EP300: variants seen among roughly 807,000 people sequenced by gnomAD.
The protein encoded by EP300 is EP300 lysine acetyltransferase, also known as histone acetyltransferase p300.
A neutral mutation model predicts 264.0 loss-of-function variants in EP300; 31 were observed. The observed-to-expected ratio is 0.12, with a 90% CI of 0.09 to 0.16. The LOEUF is 0.16. Among genes scored for constraint, EP300 ranks in the 10% least tolerant of loss-of-function variants. The pLI, the probability that EP300 is intolerant of heterozygous loss-of-function variation, is 1.00. For synonymous variants in EP300, 1,340 were observed against 1,045.4 expected (o/e 1.28, Z -5.44); for missense variants, 2,766 against 3,052.9 (o/e 0.91, Z 2.21).
rs372351608 is a variant in EP300 at position 41,168,639 on chromosome 22, A to G, written c.4025+40A>G. The stretch of plus-strand genomic sequence containing the variant: ...CACTTTTCTTCTCCTCGTGGATCCA[A>G]AATTGCTCATACATGGTTACTATTG... On this transcript the variant is annotated intron_variant, in intron 24 of 30. Coordinates refer to ENST00000263253, the MANE Select transcript of EP300 (RefSeq NM_001429.4). 41 of 1,614,182 alleles carry G rather than the reference A, an allele frequency of 2.5e-5. 1 individual carries two copies. Among genetic ancestry groups the G allele is most frequent in the South Asian group, 1.5e-4 (14 of 91,082 alleles).
chr22:41,127,388 C>T, intron 3 of EP300, 99 bp from the exon 4 acceptor site: 2 of 1,519,466 alleles, frequency 1.3e-6, no homozygotes, highest in Non-Finnish European at 1.8e-6. Context: ...TTATAGTAGA[C>T]TAACCATAAA....
At position 41,179,998 on chromosome 22, in the gene EP300, TATG is replaced by T. The variant is rs2059234490; in HGVS notation, c.*1044_*1046del. The T allele has an allele frequency of 4.3e-6, 1 of 231,174 alleles. No individual in the cohort carries two copies. Among genetic ancestry groups the T allele is most frequent in the African/African-American group, 2.2e-5 (1 of 45,148 alleles). 14.3% of individuals were successfully genotyped at this position (231,174 alleles called of 1,614,324 possible). On this transcript the variant is annotated 3_prime_UTR_variant, in exon 31 of 31. Transcript: ENST00000263253. Reference sequence around the variant, plus strand: ...GCAATTAAAGTTGATTACTTATAAATATGAACTTTGGATCACTGTATAGACTGT... The same window carrying T: ...GCAATTAAAGTTGATTACTTATAAATAACTTTGGATCACTGTATAGACTGT...
chr22:41,113,160 C>CCCCT (rs1338285163), intron 1 of EP300, among the ~76,000 whole-genome samples: 1 of 135,680 alleles, frequency 7.4e-6, no homozygotes, highest in Non-Finnish European at 1.6e-5. Context: ...GGATTCCACC[C>CCCCT]CCCCCCCAAC....
intron 1 of EP300, among the ~76,000 whole-genome samples, chr22:41,116,856 T>C (rs2058824461): frequency 6.6e-6 from 1 of 151,970 alleles, no homozygotes; most frequent in Non-Finnish European, 1.5e-5. Context: ...AGCTCAGGAG[T>C]GTAAGACCAG....
intron 1 of EP300, among the ~76,000 whole-genome samples, chr22:41,096,367 G>T (rs997576616): frequency 4.6e-5 from 7 of 152,060 alleles, no homozygotes; most frequent in African/African-American, 1.7e-4. Flanking sequence ...GCTTAATGCC[G>T]TATGCACTTA....
At chr22:41,151,134 C>T (rs946808572) in intron 14 of EP300, among the ~76,000 whole-genome samples, 2 of 152,056 alleles carry the variant, frequency 1.3e-5, no homozygotes, top group African/African-American at 4.8e-5. Context: ...CAATAGTTCT[C>T]AGCCATGTTG....
intron 1 of EP300, among the ~76,000 whole-genome samples, chr22:41,108,651 A>G (rs1257084609): frequency 1.3e-5 from 2 of 152,214 alleles, no homozygotes; most frequent in Admixed American, 6.5e-5. Context: ...CAAAAAAAAA[A>G]TACTGCTCCT....
At chr22:41,103,234 A>G (rs1299121104) in intron 1 of EP300, among the ~76,000 whole-genome samples, 1 of 152,152 alleles carries the variant, frequency 6.6e-6, no homozygotes, top group Non-Finnish European at 1.5e-5. Flanking sequence ...TAGTGATGTT[A>G]CATTTGGGGC....
chr22:41,099,863 A>G (rs1601587350), intron 1 of EP300, among the ~76,000 whole-genome samples: 1 of 152,200 alleles, frequency 6.6e-6, no homozygotes, highest in African/African-American at 2.4e-5. Context: ...AGGTGAATAC[A>G]TTAGACGGAG....
Position 41,157,168 on chromosome 22 carries a change from G to T in EP300, c.3262-1G>T. ...ATGTTTGATGTCACTTGTCTTTCTAGGATTACTTTGATATTGTGAAGAGCC... is the reference window on the plus strand; with the variant it reads ...ATGTTTGATGTCACTTGTCTTTCTATGATTACTTTGATATTGTGAAGAGCC... On this transcript the variant is annotated splice_acceptor_variant, in intron 17 of 30. Transcript: ENST00000263253. LOFTEE classifies it high-confidence loss of function. The T allele has an allele frequency of 6.2e-7, 1 of 1,613,804 alleles. No individual in the cohort carries two copies. The highest frequency in any genetic ancestry group is 1.1e-5 in the South Asian group (1 of 91,038).
chr22:41,131,208 C>T (rs1051698095), intron 5 of EP300, among the ~76,000 whole-genome samples, 180 bp from the exon 6 acceptor site: 1 of 152,124 alleles, frequency 6.6e-6, no homozygotes, highest in Admixed American at 6.6e-5. Flanking sequence ...CAGTGGTCCC[C>T]TTTACCAATC....
intron 7 of EP300, among the ~76,000 whole-genome samples, chr22:41,136,746 G>A (rs2058953205): frequency 6.6e-6 from 1 of 152,158 alleles, no homozygotes; most frequent in Non-Finnish European, 1.5e-5. Context: ...TGACAGCTTA[G>A]TCTGATAACA....
At chr22:41,135,712 A>T (rs749318519) in intron 6 of EP300, 101 bp from the exon 7 acceptor site, 6 of 924,474 alleles carry the variant, frequency 6.5e-6, no homozygotes, top group Middle Eastern at 2.2e-4. Flanking sequence ...TATGCTGCAA[A>T]TTTTTTTTCT....
At chr22:41,130,025 A>G in intron 5 of EP300, 22 bp downstream of exon 5, 1 of 1,585,404 alleles carries the variant, frequency 6.3e-7, no homozygotes, top group Non-Finnish European at 8.7e-7. Context: ...AATCTTTTGA[A>G]GGTTTATATG....
Position 41,168,652 on chromosome 22 carries a change from A to G in EP300, c.4025+53A>G, listed in dbSNP as rs1013794117. The G allele has an allele frequency of 6.8e-6, 11 of 1,614,078 alleles. No individual in the cohort carries two copies. The South Asian group carries it at 7.7e-5, about 11-fold the overall frequency. On this transcript the variant is annotated intron_variant, in intron 24 of 30. Coordinates refer to ENST00000263253, the MANE Select transcript of EP300 (RefSeq NM_001429.4). ...CTCGTGGATCCAAAATTGCTCATAC[A>G]TGGTTACTATTGGTGATTCCAGTCT...
intron 13 of EP300, among the ~76,000 whole-genome samples, chr22:41,149,395 GT>G (rs2059030189): frequency 6.6e-6 from 1 of 152,168 alleles, no homozygotes; most frequent in Non-Finnish European, 1.5e-5. Flanking sequence ...TAAATGGATA[GT>G]TTTAATTGTT....
chr22:41,103,407 TA>T (rs2058742197), intron 1 of EP300, among the ~76,000 whole-genome samples: 1 of 152,302 alleles, frequency 6.6e-6, no homozygotes, highest in African/African-American at 2.4e-5. Context: ...ACTTCAGAGA[TA>T]CAGTGGGGTT....
chr22:41,092,633 C>T lies in EP300; in HGVS notation c.-372C>T, dbSNP rs375177175. ...GCGCCGAGGAGGAAGAGGTTGATGG[C>T]GGCGGCGGAGCTCCGAGAGACCTCG... On this transcript the variant is annotated 5_prime_UTR_variant, in exon 1 of 31. Transcript: ENST00000263253. 2.1e-5 allele frequency: 13 copies of T among 632,790 alleles called. No homozygotes were observed. Among genetic ancestry groups the T allele is most frequent in the African/African-American group, 1.1e-4 (6 of 53,740 alleles). 39.2% of individuals were successfully genotyped at this position (632,790 alleles called of 1,614,324 possible).
At chr22:41,137,582 G>A (rs2058959056) in intron 7 of EP300, 71 bp from the exon 8 acceptor site, 35 of 1,591,048 alleles carry the variant, frequency 2.2e-5, no homozygotes, top group Non-Finnish European at 3.0e-5. Context: ...AATAATCAGT[G>A]TCAGCTTGAA....
Sources: gnomAD v4.1 joint callset for allele counts (sites outside exome capture counted in the v4.1 genomes callset) on GRCh38, gnomAD v4.1.1 for gene constraint, MANE v1.5 for transcripts, NCBI Gene and HGNC (gene_info 2026-07-23, HGNC 2026-07-21) for gene names.